Variants in RUNX2 observed in about 807,000 individuals in gnomAD.
RUNX2 encodes the protein RUNX family transcription factor 2, also known as runt-related transcription factor 2.
Under a neutral mutation model 51.7 loss-of-function variants are expected in RUNX2, and 10 were observed. The ratio of observed to expected loss-of-function variants is 0.19; its 90% CI spans 0.12 to 0.33. The LOEUF (loss-of-function observed/expected upper bound fraction) is 0.33. Ranked by LOEUF, RUNX2 falls within the 10% of genes least tolerant of loss-of-function variation. RUNX2 has a pLI of 1.00. For synonymous variants in RUNX2, 276 were observed against 273.6 expected (o/e 1.01, Z -0.09); for missense variants, 562 against 691.3 (o/e 0.81, Z 2.10).
intron 5 of RUNX2, among the ~76,000 whole-genome samples, chr6:45,461,273 T>A (rs1230538125): frequency 6.6e-6 from 1 of 152,216 alleles, no homozygotes; most frequent in Non-Finnish European, 1.5e-5. Flanking sequence ...AGGGAGGGCT[T>A]TGGATTGCCA....
At chr6:45,475,629 T>C (rs1181432206) in intron 5 of RUNX2, among the ~76,000 whole-genome samples, 1 of 152,240 alleles carries the variant, frequency 6.6e-6, no homozygotes, top group Non-Finnish European at 1.5e-5. Context: ...AATTCTGTCA[T>C]TTTTTAGTTC....
intron 5 of RUNX2, among the ~76,000 whole-genome samples, chr6:45,476,551 G>T (rs1431452422): frequency 1.3e-5 from 2 of 152,186 alleles, no homozygotes; most frequent in Non-Finnish European, 2.9e-5. Context: ...TTGTGACTTG[G>T]CCCAGAAAGG....
intron 7 of RUNX2, among the ~76,000 whole-genome samples, chr6:45,529,337 C>T (rs1186024426): frequency 6.6e-6 from 1 of 152,082 alleles, no homozygotes; most frequent in African/African-American, 2.4e-5. Context: ...GTGACCAAAC[C>T]TACTCAAAAT....
chr6:45,539,537 AAGTT>A (rs1455861266), intron 7 of RUNX2, among the ~76,000 whole-genome samples: 3 of 152,246 alleles, frequency 2.0e-5, no homozygotes, highest in African/African-American at 4.8e-5. Context: ...AAGTAAAACT[AAGTT>A]AGTGATGGAT....
rs745340776 is a variant in RUNX2, at chr6:45,548,989, G to C, written c.*1684G>C. ...GACATATGGCCCACGGGGACCTACA[G>C]ACAGCCTTTGACATTTGTATTTCTT... On this transcript the variant is annotated 3_prime_UTR_variant, in exon 9 of 9. Transcript: ENST00000647337. 5 of 397,524 alleles carry C rather than the reference G, an allele frequency of 1.3e-5. No homozygotes were observed. The highest frequency in any genetic ancestry group is 4.1e-5 in the African/African-American group (2 of 48,610). The allele number at this position is 397,524 out of a possible 1,614,324, so 24.6% of individuals were successfully genotyped here. A position where few individuals can be genotyped will look rare whatever the true frequency, so the allele number is the denominator to read the frequency against.
intron 2 of RUNX2, among the ~76,000 whole-genome samples, chr6:45,390,244 G>T (rs17288341): frequency 9.7e-5 from 9 of 93,254 alleles, no homozygotes; most frequent in Admixed American, 5.3e-4. Context: ...TCAGCATTTT[G>T]TTTTTTATGC....
intron 5 of RUNX2, among the ~76,000 whole-genome samples, chr6:45,470,830 T>C (rs1563100788): frequency 1.3e-5 from 2 of 152,196 alleles, no homozygotes; most frequent in African/African-American, 4.8e-5. Context: ...TTATACTTGT[T>C]AGCTCAAGAC....
chr6:45,492,343 C>A (rs1447822422), intron 6 of RUNX2, among the ~76,000 whole-genome samples: 1 of 152,132 alleles, frequency 6.6e-6, no homozygotes, highest in Non-Finnish European at 1.5e-5. Flanking sequence ...TACTCTGCAG[C>A]AATCTCAGTC....
At chr6:45,354,664 T>C (rs1792785358) in intron 2 of RUNX2, among the ~76,000 whole-genome samples, 1 of 151,810 alleles carries the variant, frequency 6.6e-6, no homozygotes, top group South Asian at 2.1e-4. Context: ...GTCTCCTATA[T>C]GTTGCTATGC....
intron 3 of RUNX2, among the ~76,000 whole-genome samples, chr6:45,425,271 G>A (rs1798353245): frequency 1.3e-5 from 2 of 152,196 alleles, no homozygotes; most frequent in Admixed American, 1.3e-4. Flanking sequence ...TTGAACATGA[G>A]CATTTTGGAT....
chr6:45,474,069 G>C (rs751427221), intron 5 of RUNX2, among the ~76,000 whole-genome samples: 2 of 151,980 alleles, frequency 1.3e-5, no homozygotes, highest in South Asian at 4.1e-4. Flanking sequence ...AATATGATTT[G>C]TCAACCCTGA....
Position 45,545,215 on chromosome 6 carries a change from A to G in RUNX2, c.1022-2A>G. Reference sequence around the variant, plus strand: ...TTAGAGCTCATCCCCCTCATTTTACAGATGATGACACTGCCACCTCTGACT... The same window carrying G: ...TTAGAGCTCATCCCCCTCATTTTACGGATGATGACACTGCCACCTCTGACT... On this transcript the variant is annotated splice_acceptor_variant, in intron 7 of 8. Transcript: ENST00000647337. LOFTEE classifies it high-confidence loss of function. 1.3e-6 allele frequency: 2 copies of G among 1,547,398 alleles called. No individual in the cohort carries two copies. Among genetic ancestry groups the G allele is most frequent in the Non-Finnish European group, 1.7e-6 (2 of 1,145,504 alleles).
chr6:45,438,356 G>A (rs1383066822), intron 5 of RUNX2, among the ~76,000 whole-genome samples: 2 of 152,080 alleles, frequency 1.3e-5, no homozygotes, highest in Non-Finnish European at 2.9e-5. Flanking sequence ...GAACATAATG[G>A]GGCAGAATAG....
chr6:45,363,213 T>G (rs978619950), intron 2 of RUNX2, among the ~76,000 whole-genome samples: 12 of 152,160 alleles, frequency 7.9e-5, no homozygotes, highest in Non-Finnish European at 1.8e-4. Context: ...TGAATAAGCC[T>G]GGGTATGGTA....
intron 2 of RUNX2, among the ~76,000 whole-genome samples, chr6:45,355,984 A>G (rs1379463555): frequency 6.6e-6 from 1 of 152,210 alleles, no homozygotes; most frequent in Non-Finnish European, 1.5e-5. Context: ...TGAAAGGCTA[A>G]TAGAACTCTA....
chr6:45,529,844 A>G (rs1163561246), intron 7 of RUNX2, among the ~76,000 whole-genome samples: 1 of 152,206 alleles, frequency 6.6e-6, no homozygotes, highest in Non-Finnish European at 1.5e-5. Context: ...ACATGTGTGT[A>G]ATGAATTCCC....
intron 7 of RUNX2, among the ~76,000 whole-genome samples, chr6:45,534,035 C>T (rs1351101316): frequency 2.6e-5 from 4 of 151,792 alleles, no homozygotes; most frequent in Admixed American, 6.6e-5. Flanking sequence ...GCTGGGACTA[C>T]AGGTGCCCGC....
intron 5 of RUNX2, among the ~76,000 whole-genome samples, chr6:45,457,779 A>G (rs1183045336): frequency 6.6e-6 from 1 of 152,200 alleles, no homozygotes; most frequent in Non-Finnish European, 1.5e-5. Context: ...AGTAGAAGAA[A>G]TAAGCCAGGG....
chr6:45,498,059 A>T (rs1184793003), intron 6 of RUNX2, among the ~76,000 whole-genome samples: 1 of 152,040 alleles, frequency 6.6e-6, no homozygotes, highest in Non-Finnish European at 1.5e-5. Flanking sequence ...GGAATAACTC[A>T]CCCAAGGTCC....
Sources: gnomAD v4.1 joint callset for allele counts (sites outside exome capture counted in the v4.1 genomes callset) on GRCh38, gnomAD v4.1.1 for gene constraint, MANE v1.5 for transcripts, NCBI Gene and HGNC (gene_info 2026-07-23, HGNC 2026-07-21) for gene names.